The following KRT14 variants were observed in gnomAD, a reference collection of about 807,000 sequenced individuals.
KRT14 encodes keratin 14.
A neutral mutation model predicts 44.5 loss-of-function variants in KRT14; 30 were observed. The ratio of observed to expected loss-of-function variants is 0.67; its 90% confidence interval spans 0.50 to 0.92. KRT14 has a LOEUF of 0.92. KRT14 is among the 40% of genes least tolerant of loss of function. KRT14 has a pLI of 0.00. For synonymous variants in KRT14, 241 were observed against 257.6 expected (o/e 0.94, Z 0.62); for missense variants, 535 against 640.6 (o/e 0.84, Z 1.78).
rs200836945 is a variant in KRT14, at chr17:41,583,806, A to G, written c.881T>C (p.Met294Thr). The change falls in exon 4 of 8, where the codon ATG becomes ACG. Residue 294 changes from methionine to threonine, a missense_variant. Met to Thr is a moderately conservative substitution (Grantham distance 81). Transcript: ENST00000167586. ...GGCATCCTTGCGGTTCTTCTCTGCC[A>G]TCTTCTCATACTGGTCACGCATCTC... is the stretch of plus-strand genomic sequence containing the variant. Reference protein sequence around the residue: ...LNEMRDQYEKMAEKNRKDAEE... With the variant: ...LNEMRDQYEKTAEKNRKDAEE... The G allele has an allele frequency of 1.1e-4, 173 of 1,614,040 alleles. No individual in the cohort carries two copies. Among genetic ancestry groups the G allele is most frequent in the Non-Finnish European group, 1.4e-4 (170 of 1,180,044 alleles).
Position 41,583,012 on chromosome 17 carries a change from G to A in KRT14, c.1321+82C>T, listed in dbSNP as rs1019991995. On this transcript the variant is annotated intron_variant, in intron 7 of 7. Transcript: ENST00000167586. ...ACAGCACTAGAGCTCAGCCCCTCACGGAGCCCCTAGCCAATGCCTAGACCT... is the reference window on the plus strand; with the variant it reads ...ACAGCACTAGAGCTCAGCCCCTCACAGAGCCCCTAGCCAATGCCTAGACCT... 3.7e-5 allele frequency: 49 copies of A among 1,332,340 alleles called. 1 individual carries two copies. The East Asian group carries it at 4.1e-4, about 11-fold the overall frequency. 82.5% of individuals were successfully genotyped at this position (1,332,340 alleles called of 1,614,324 possible).
In KRT14 at chr17:41,586,779, C is replaced by A; in HGVS notation, c.56G>T (p.Gly19Val). 6.3e-7 allele frequency: 1 copy of A among 1,587,120 alleles called. No homozygotes were observed. Among genetic ancestry groups the A allele is most frequent in the East Asian group, 2.3e-5 (1 of 43,094 alleles). Reference protein sequence around the residue: ...TSSSSMKGSCGIGGGIGGGSS... With the variant: ...TSSSSMKGSCVIGGGIGGGSS... The stretch of plus-strand genomic sequence containing the variant: ...GCCGCCCCCGATGCCGCCCCCGATG[C>A]CGCAGGAGCCCTTCATGGAGCTGGA... Residue 19 changes from glycine (G) to valine (V), a missense_variant, in exon 1 of 8, where the codon GGC (glycine) becomes GTC (valine). Transcript: ENST00000167586.
chr17:41,582,727 G>A (rs1192313303), intron 7 of KRT14, 195 bp from the exon 8 acceptor site: 4 of 634,148 alleles, frequency 6.3e-6, no homozygotes, highest in Admixed American at 2.3e-5. Flanking sequence ...GCTCCCAAAG[G>A]TCAGAGACAG....
At chr17:41,582,778 C>T (rs564614098) in intron 7 of KRT14, 3 of 604,064 alleles carry the variant, frequency 5.0e-6, no homozygotes, top group Non-Finnish European at 8.9e-6. Flanking sequence ...GAGCTCACAC[C>T]TGGCTGGTTC....
rs762959989 is a variant in KRT14, at chr17:41,584,359, C to T, written c.663G>A (p.Leu221=). ...GGGTCAGTTCGTCCAGCACCCTGCG[C>T]AGGCCATTGATGTCGGCTTCCACAC... is the stretch of plus-strand genomic sequence containing the variant. ...RMSVEADING[L]RRVLDELTLA... The change falls in exon 3 of 8, where the codon CTG becomes CTA. Residue 221 remains leucine, a synonymous_variant. Coordinates refer to ENST00000167586, the MANE Select transcript of KRT14 (RefSeq NM_000526.5). The T allele has an allele frequency of 6.2e-7, 1 of 1,614,134 alleles. No homozygotes were observed. Among genetic ancestry groups the T allele is most frequent in the Non-Finnish European group, 8.5e-7 (1 of 1,180,034 alleles).
intron 2 of KRT14, 188 bp from the exon 3 acceptor site, chr17:41,584,601 G>C: frequency 1.5e-6 from 1 of 651,146 alleles, no homozygotes; most frequent in Non-Finnish European, 2.7e-6. Flanking sequence ...TGCGGGCTGG[G>C]GATAAGGCAG....
At chr17:41,584,066 T>A in intron 3 of KRT14, 145 bp from the exon 4 acceptor site, 1 of 360,920 alleles carries the variant, frequency 2.8e-6, no homozygotes, top group Non-Finnish European at 4.9e-6. Flanking sequence ...TCTCTCTCTC[T>A]CTCTTTTTTT....
Position 41,582,338 on chromosome 17 carries a change from G to C in KRT14, c.*97C>G, listed in dbSNP as rs1315321716. 8.1e-6 allele frequency: 7 copies of C among 867,904 alleles called. No homozygotes were observed. Among genetic ancestry groups the C allele is most frequent in the Admixed American group, 4.0e-5 (2 of 49,444 alleles). The allele number at this position is 867,904 out of a possible 1,614,324, so 53.8% of individuals were successfully genotyped here. ...CCAGGAGGGGGTGAGGGTGAAGCAG[G>C]GTCCAGCTGTGAAGTGCTTGGGCAG... On this transcript the variant is annotated 3_prime_UTR_variant, in exon 8 of 8. Coordinates refer to ENST00000167586, the MANE Select transcript of KRT14 (RefSeq NM_000526.5).
Position 41,582,292 on chromosome 17 carries a change from A to G in KRT14, c.*143T>C. 5 of 653,660 alleles carry G rather than the reference A, an allele frequency of 7.6e-6. 1 individual carries two copies. The South Asian group carries it at 8.8e-5, about 12-fold the overall frequency. 40.5% of individuals were successfully genotyped at this position (653,660 alleles called of 1,614,324 possible). A position where few individuals can be genotyped will look rare whatever the true frequency, so the allele number is the denominator to read the frequency against. On this transcript the variant is annotated 3_prime_UTR_variant, in exon 8 of 8. Coordinates refer to ENST00000167586, the MANE Select transcript of KRT14 (RefSeq NM_000526.5). ...GAGAGGCGAGAATTATGCAACTCAG[A>G]TAATGAAGCTGTATTGATTGCCAGG...
chr17:41,584,033 TTCTCTCTCTCTCTCTCAA>T lies in KRT14; in HGVS notation c.766-130_766-113del, dbSNP rs1443379493. ...ATCACAATTCTATCTCGACTCTCCCTTCTCTCTCTCTCTCTCAATCTCTCTCTCTCTCTCTCTTTTTTT... is the reference window on the plus strand; with the variant it reads ...ATCACAATTCTATCTCGACTCTCCCTTCTCTCTCTCTCTCTCTCTTTTTTT... On this transcript the variant is annotated intron_variant, in intron 3 of 7. Transcript: ENST00000167586. 132 of 793,142 alleles carry T rather than the reference TTCTCTCTCTCTCTCTCAA, an allele frequency of 1.7e-4. 1 individual carries two copies. In the African/African-American group the frequency reaches 2.3e-3, roughly 14 times the overall value. 49.1% of individuals were successfully genotyped at this position (793,142 alleles called of 1,614,324 possible). A position where few individuals can be genotyped will look rare whatever the true frequency, so the allele number is the denominator to read the frequency against.
Position 41,586,835 on chromosome 17 carries a change from G to A in KRT14, c.-1C>T, listed in dbSNP as rs554016001. 375 of 1,584,704 alleles carry A rather than the reference G, an allele frequency of 2.4e-4. 2 individuals are homozygous for A. The African/African-American group carries it at 4.6e-3, about 19-fold the overall frequency. ...TGAACTGGCGGCTGCAGGTGGTCAT[G>A]GTGCAGAGGAGGGAGGTGAGCGAGC... On this transcript the variant is annotated 5_prime_UTR_variant, in exon 1 of 8. Transcript: ENST00000167586.
rs1382920773 is a variant in KRT14 at position 41,585,127 on chromosome 17, A to C, written c.526-70T>G. On this transcript the variant is annotated intron_variant, in intron 1 of 7. Transcript: ENST00000167586. ...CAAGCTGGACTTCACTGTAGCCTAC[A>C]TTAAGCTCTTGCTTCATGTTCTTGC... The C allele has an allele frequency of 2.6e-6, 3 of 1,166,820 alleles. No homozygotes were observed. The East Asian group carries it at 7.0e-5, about 27-fold the overall frequency. The allele number at this position is 1,166,820 out of a possible 1,614,324, so 72.3% of individuals were successfully genotyped here.
At chr17:41,583,985 G>A in intron 3 of KRT14, 64 bp from the exon 4 acceptor site, 1 of 1,571,384 alleles carries the variant, frequency 6.4e-7, no homozygotes, top group Non-Finnish European at 8.7e-7. Context: ...GTGTTCCTTA[G>A]GCCTGAATAC....
rs1907488111 is a variant in KRT14, at chr17:41,585,164, T to A, written c.526-107A>T. 7.0e-6 allele frequency: 6 copies of A among 863,028 alleles called. No homozygotes were observed. In the East Asian group the frequency reaches 1.6e-4, roughly 23 times the overall value. 53.5% of individuals were successfully genotyped at this position (863,028 alleles called of 1,614,324 possible). A position where few individuals can be genotyped will look rare whatever the true frequency, so the allele number is the denominator to read the frequency against. ...CTTCATGTTCTTGCCTGAATCCCCCTTTTCCCCCACAAAACTTGACCATAG... is the reference window on the plus strand; with the variant it reads ...CTTCATGTTCTTGCCTGAATCCCCCATTTCCCCCACAAAACTTGACCATAG... On this transcript the variant is annotated intron_variant, in intron 1 of 7. Coordinates refer to ENST00000167586, the MANE Select transcript of KRT14 (RefSeq NM_000526.5).
rs772414267 is a variant in KRT14, at chr17:41,583,647, G to C, written c.957C>G (p.Thr319=). 2.5e-6 allele frequency: 4 copies of C among 1,614,156 alleles called. No individual in the cohort carries two copies. The South Asian group carries it at 4.4e-5, about 18-fold the overall frequency. Residue 319 remains threonine (T), a synonymous_variant, in exon 5 of 8, where the codon ACC becomes ACG. Coordinates refer to ENST00000167586, the MANE Select transcript of KRT14 (RefSeq NM_000526.5). ...TGCCGCTCTGCACCAGCTCGCTGTT[G>C]GTGGCCACCTCGCGGTTCAGCTCCT... ...KTEELNREVA[T]NSELVQSGKS...
rs1194215362 is a variant in KRT14 at position 41,586,695 on chromosome 17, C to T, written c.140G>A (p.Gly47Glu). The change falls in exon 1 of 8, where the codon GGG becomes GAG. Residue 47 changes from glycine to glutamate, a missense_variant. Physicochemically the swap from Gly to Glu is moderately conservative, Grantham distance 98. Coordinates refer to ENST00000167586, the MANE Select transcript of KRT14 (RefSeq NM_000526.5). ...GGAGGATGAGACAGACAGGCCGCCC[C>T]CGTAGGTGCTGGGGGCGCGGCAGGA... ...GGSCRAPSTYGGGLSVSSSRF... is the reference protein window; with the variant it reads ...GGSCRAPSTYEGGLSVSSSRF... 6.3e-7 allele frequency: 1 copy of T among 1,594,482 alleles called. No homozygotes were observed. The highest frequency in any genetic ancestry group is 1.1e-5 in the South Asian group (1 of 89,448).
At position 41,584,120 on chromosome 17, in the gene KRT14, C is replaced by T. The variant is rs1391317955; in HGVS notation, c.765+137G>A. ...TTTTGGACAGGGTCTAGCCTTGTTG[C>T]CCAGGCTGGACTCAAACTCCTGTGT... is the stretch of plus-strand genomic sequence containing the variant. On this transcript the variant is annotated intron_variant, in intron 3 of 7. Transcript: ENST00000167586. 4 of 830,522 alleles carry T rather than the reference C, an allele frequency of 4.8e-6. No homozygotes were observed. The East Asian group carries it at 9.9e-5, about 20-fold the overall frequency. 51.4% of individuals were successfully genotyped at this position (830,522 alleles called of 1,614,324 possible).
Position 41,586,747 on chromosome 17 carries a change from G to A in KRT14, c.88C>T (p.Arg30Cys), listed in dbSNP as rs201069984. The A allele has an allele frequency of 1.8e-3, 2,790 of 1,585,378 alleles. 22 individuals are homozygous for A. The highest frequency in any genetic ancestry group is 8.8e-3 in the South Asian group (777 of 88,322). ...CCTCCGGCCAGGACGGAGGAGATGC[G>A]GCTGGAGCCGCCCCCGATGCCGCCC... ...IGGGIGGGSSRISSVLAGGSC... is the reference protein window; with the variant it reads ...IGGGIGGGSSCISSVLAGGSC... The change falls in exon 1 of 8, where the codon CGC becomes TGC. Residue 30 changes from arginine (R) to cysteine (C), a missense_variant. Transcript: ENST00000167586.
chr17:41,585,963 A>G (rs1907511058), intron 1 of KRT14, among the ~76,000 whole-genome samples: 1 of 152,252 alleles, frequency 6.6e-6, no homozygotes, highest in South Asian at 2.1e-4. Context: ...CTGTGCTGGA[A>G]GGTAGGGCAC....
Sources: allele counts gnomAD v4.1 joint callset (sites outside exome capture counted in the v4.1 genomes callset), GRCh38; gene constraint gnomAD v4.1.1; transcripts MANE v1.5; gene names NCBI Gene and HGNC (gene_info 2026-07-23, HGNC 2026-07-21).